LARS1: variants seen among roughly 807,000 people sequenced by gnomAD.
LARS1 encodes the protein leucine--tRNA ligase, cytoplasmic.
LARS1 carries 100 observed loss-of-function variants against 162.8 expected under a neutral mutation model. The observed-to-expected ratio is 0.61, with a 90% confidence interval of 0.52 to 0.73. The LOEUF (loss-of-function observed/expected upper bound fraction) is 0.73, where lower values mean the gene tolerates loss of function less well. Ranked by LOEUF, LARS1 falls within the 30% of genes least tolerant of loss-of-function variation. LARS1 has a pLI of 0.00. For missense variants in LARS1, 1,258 were observed against 1,408.9 expected, an observed-to-expected ratio of 0.89 and a Z score of 1.71; for synonymous variants, 457 against 462.8, an observed-to-expected ratio of 0.99 and a Z score of 0.16.
At chr5:146,128,619 A>G in intron 27 of LARS1, 53 bp downstream of exon 27, 1 of 1,221,938 alleles carries the variant, frequency 8.2e-7, no homozygotes, top group Non-Finnish European at 1.1e-6. Flanking sequence ...AACAAAAACA[A>G]CATAGGGAGC....
At chr5:146,139,551 T>C (rs1021565470) in intron 21 of LARS1, 2 of 151,990 alleles carry the variant, frequency 1.3e-5, no homozygotes, top group Non-Finnish European at 2.9e-5. Context: ...ATTAATACTA[T>C]CTACTCCCCT....
chr5:146,114,947 G>A (rs1048213439), intron 31 of LARS1, among the ~76,000 whole-genome samples: 18 of 151,500 alleles, frequency 1.2e-4, no homozygotes, highest in African/African-American at 3.9e-4. Flanking sequence ...GGGAGGCTGA[G>A]GCAGTGGAAT....
In LARS1 at chr5:146,130,024, C is replaced by T; in HGVS notation, c.2622G>A (p.Leu874=). ...TTTAAATGCATGAAGGTACCTTTCC[C>T]AGGAGTGTCCAGATGTGCTCACACA... ...PHLCEHIWTL[L]GKPDSIMNAS... The change falls in exon 25 of 32, where the codon CTG becomes CTA. Residue 874 remains leucine (L), a synonymous_variant. Coordinates refer to ENST00000394434, the MANE Select transcript of LARS1 (RefSeq NM_020117.11). The T allele has an allele frequency of 6.2e-7, 1 of 1,607,358 alleles. No individual in the cohort carries two copies. The highest frequency in any genetic ancestry group is 1.7e-4 in the Middle Eastern group (1 of 6,032).
At chr5:146,132,869 A>G (rs1238803189) in intron 23 of LARS1, 29 bp downstream of exon 23, 1 of 1,593,668 alleles carries the variant, frequency 6.3e-7, no homozygotes, top group East Asian at 2.2e-5. Context: ...TAACTCTAAA[A>G]CACAAAATGA....
chr5:146,120,396 T>C lies in LARS1; in HGVS notation c.3300A>G (p.Leu1100=). ...GDNCDSIIRR[L]MKMNRGIKDL... ...CTTTAATTCCTCGATTCATTTTCAT[T>C]AAACGCCTGATTATGGAATCACAGT... Residue 1100 remains leucine, a synonymous_variant, in exon 31 of 32, where the codon TTA becomes TTG. Transcript: ENST00000394434. 2 of 1,613,348 alleles carry C rather than the reference T, an allele frequency of 1.2e-6. No individual in the cohort carries two copies. Among genetic ancestry groups the C allele is most frequent in the Non-Finnish European group, 1.7e-6 (2 of 1,179,452 alleles).
intron 14 of LARS1, among the ~76,000 whole-genome samples, 155 bp from the exon 15 acceptor site, chr5:146,149,854 GTATAGC>G (rs1753195733): frequency 6.6e-6 from 1 of 151,898 alleles, no homozygotes; most frequent in Non-Finnish European, 1.5e-5. Flanking sequence ...TTTCATTTTG[GTATAGC>G]ATGGATAACT....
intron 20 of LARS1, among the ~76,000 whole-genome samples, chr5:146,141,680 C>A (rs764872891): frequency 1.8e-4 from 28 of 151,960 alleles, no homozygotes; most frequent in Non-Finnish European, 3.2e-4. Flanking sequence ...TGACATGTGG[C>A]TAGTCCCAGC....
intron 10 of LARS1, among the ~76,000 whole-genome samples, chr5:146,154,658 G>A (rs1232061101): frequency 1.3e-5 from 2 of 151,804 alleles, no homozygotes; most frequent in Non-Finnish European, 2.9e-5. Context: ...TGCGCCTGTA[G>A]TCCCAGCTAT....
In LARS1 at chr5:146,182,596, A is replaced by C; in HGVS notation, c.-103T>G. On this transcript the variant is annotated 5_prime_UTR_variant, in exon 1 of 32. Coordinates refer to ENST00000394434, the MANE Select transcript of LARS1 (RefSeq NM_020117.11). Reference sequence around the variant, plus strand: ...CCCTCTCGGGGATGCCAGGCCTCCCACGAAACTAAAGCACACGCTTCACAC... The same window carrying C: ...CCCTCTCGGGGATGCCAGGCCTCCCCCGAAACTAAAGCACACGCTTCACAC... 5 of 1,483,168 alleles carry C rather than the reference A, an allele frequency of 3.4e-6. No individual in the cohort carries two copies. The South Asian group carries it at 5.7e-5, about 17-fold the overall frequency. 91.9% of individuals were successfully genotyped at this position (1,483,168 alleles called of 1,614,324 possible). A position where few individuals can be genotyped will look rare whatever the true frequency, so the allele number is the denominator to read the frequency against.
intron 15 of LARS1, 115 bp downstream of exon 15, chr5:146,149,507 G>A (rs1753175156): frequency 1.3e-6 from 1 of 757,624 alleles, no homozygotes; most frequent in African/African-American, 1.7e-5. Context: ...CCGCAAAACT[G>A]TATGATATTT....
intron 5 of LARS1, among the ~76,000 whole-genome samples, chr5:146,165,635 T>C (rs148436946): frequency 6.9e-6 from 1 of 144,472 alleles, no homozygotes; most frequent in Non-Finnish European, 1.5e-5. Context: ...CAAATCTATC[T>C]AACTGCATTA....
chr5:146,126,967 C>A (rs1336711074), intron 27 of LARS1, among the ~76,000 whole-genome samples: 2 of 152,032 alleles, frequency 1.3e-5, no homozygotes, highest in East Asian at 3.8e-4. Context: ...AAAAGAATCC[C>A]TAGCTACTGA....
chr5:146,179,795 G>T (rs1368869414), intron 1 of LARS1: 1 of 267,288 alleles, frequency 3.7e-6, no homozygotes, highest in African/African-American at 2.3e-5. Flanking sequence ...TAGAGACAGG[G>T]TTTCACCATG....
chr5:146,119,550 T>C (rs114738705), intron 31 of LARS1, among the ~76,000 whole-genome samples: 1,714 of 152,180 alleles, frequency 0.011, 24 homozygotes, highest in African/African-American at 0.035. Flanking sequence ...TAATACAAAA[T>C]AGAGAATCAC....
intron 20 of LARS1, among the ~76,000 whole-genome samples, chr5:146,140,799 C>T (rs1306921953): frequency 1.3e-5 from 2 of 151,758 alleles, no homozygotes; most frequent in Non-Finnish European, 2.9e-5. Context: ...AGCAAGACTC[C>T]CTCTCAAAAA....
intron 8 of LARS1, 73 bp from the exon 9 acceptor site, chr5:146,157,868 G>T: frequency 1.4e-6 from 2 of 1,428,634 alleles, no homozygotes; most frequent in Non-Finnish European, 2.0e-6. Context: ...CTATGTGAGA[G>T]ATCTGATTCA....
intron 3 of LARS1, 113 bp from the exon 4 acceptor site, chr5:146,172,103 C>T (rs913849230): frequency 5.4e-6 from 5 of 921,714 alleles, no homozygotes; most frequent in Admixed American, 2.2e-5. Context: ...CTTTGGAATG[C>T]CAGTTAGATT....
Position 146,182,490 on chromosome 5 carries a change from C to T in LARS1, c.4G>A (p.Ala2Thr), listed in dbSNP as rs538863566. 7.4e-6 allele frequency: 12 copies of T among 1,613,848 alleles called. No homozygotes were observed. The highest frequency in any genetic ancestry group is 1.0e-5 in the Non-Finnish European group (12 of 1,179,896). Residue 2 changes from alanine (A) to threonine (T), a missense_variant and splice_region_variant, in exon 1 of 32, where the codon GCG (alanine) becomes ACG (threonine). Ala to Thr is a moderately conservative substitution (Grantham distance 58). Transcript: ENST00000394434. ...GGATTCTTCTCGCTCAAACTCACCG[C>T]CATTGCACCGCCCAGCCGACTGTGC... M[A>T]ERKGTAKVDF... is the part of the protein sequence containing the mutation.
At chr5:146,128,823 T>C in intron 26 of LARS1, 41 bp from the exon 27 acceptor site, 7 of 1,545,748 alleles carry the variant, frequency 4.5e-6, no homozygotes, top group Non-Finnish European at 6.2e-6. Flanking sequence ...ATAGCTTTTA[T>C]ATAAACCAAA....
Sources: allele counts gnomAD v4.1 joint callset (sites outside exome capture counted in the v4.1 genomes callset), GRCh38; gene constraint gnomAD v4.1.1; transcripts MANE v1.5; gene names NCBI Gene and HGNC (gene_info 2026-07-23, HGNC 2026-07-21).